The following RSRP1 variants were observed in gnomAD, a reference collection of about 807,000 sequenced individuals.
RSRP1 encodes arginine/serine-rich protein 1.
Under a neutral mutation model 33.0 loss-of-function variants are expected in RSRP1, and 37 were observed. The observed-to-expected ratio is 1.12, with a 90% CI of 0.86 to 1.48. The LOEUF (loss-of-function observed/expected upper bound fraction) is 1.48, where lower values mean the gene tolerates loss of function less well. Ranked by LOEUF, RSRP1 falls within the 40% of genes most tolerant of loss-of-function variation. The pLI is 0.00. For missense variants in RSRP1, 402 were observed against 385.3 expected, an observed-to-expected ratio of 1.04 and a Z score of -0.36; for synonymous variants, 167 against 158.7, an observed-to-expected ratio of 1.05 and a Z score of -0.40.
At chr1:25,306,348 T>C (rs1420563660) in intron 1 of RSRP1, among the ~76,000 whole-genome samples, 1 of 131,640 alleles carries the variant, frequency 7.6e-6, no homozygotes, top group Non-Finnish European at 1.8e-5. Flanking sequence ...ACCAGCAGCA[T>C]TGGCATCACC....
chr1:25,244,477 C>A, intron 3 of RSRP1: 1 of 1,289,326 alleles, frequency 7.8e-7, no homozygotes, highest in Non-Finnish European at 1.0e-6. Flanking sequence ...TCATCAATGT[C>A]TGCAGACCAC....
At chr1:25,322,101 G>A (rs1209748541) in intron 1 of RSRP1, 5 of 501,902 alleles carry the variant, frequency 1.0e-5, no homozygotes, top group African/African-American at 5.8e-5. Context: ...AGGAACTAGA[G>A]GAGAAACAAA....
chr1:25,289,032 C>T (rs1021855434), intron 1 of RSRP1, among the ~76,000 whole-genome samples: 2 of 133,648 alleles, frequency 1.5e-5, no homozygotes, highest in African/African-American at 5.1e-5. Flanking sequence ...AAGCTGAGTC[C>T]AGACTTCAGA....
intron 1 of RSRP1, among the ~76,000 whole-genome samples, chr1:25,261,007 G>T (rs1640120682): frequency 6.6e-6 from 1 of 151,804 alleles, no homozygotes; most frequent in South Asian, 2.1e-4. Flanking sequence ...TCACCATATT[G>T]GCCAGGCTGG....
At position 25,318,709 on chromosome 1, in the gene RSRP1, AG is replaced by A. The variant is rs1406128764; in HGVS notation, c.-67+19268del. Among the ~76,000 whole-genome samples the A allele has an allele frequency of 8.3e-5, 11 of 133,254 alleles. 2 individuals are homozygous for A. The highest frequency in any genetic ancestry group is 2.6e-4 in the African/African-American group (10 of 39,152). 87.4% of individuals were successfully genotyped at this position (133,254 alleles called of 152,430 possible). A position where few individuals can be genotyped will look rare whatever the true frequency, so the allele number is the denominator to read the frequency against. On this transcript the variant is annotated intron_variant, in intron 1 of 1. Transcript: ENST00000561867. ...CTAAGCAGGAGGTGAATGCCAAATA[AG>A]AGACAAATGGCGTAAGACACTATGA...
intron 1 of RSRP1, among the ~76,000 whole-genome samples, chr1:25,292,724 A>C (rs1477183728): frequency 7.9e-6 from 1 of 126,786 alleles, no homozygotes; most frequent in African/African-American, 2.7e-5. Context: ...TCTGAAGCTT[A>C]GTGGAAAGGT....
At chr1:25,250,282 A>G (rs541604575), upstream of RSRP1, among the ~76,000 whole-genome samples, 1 of 152,112 alleles carries the variant, frequency 6.6e-6, no homozygotes, top group Non-Finnish European at 1.5e-5. Context: ...AGCTTGCCTC[A>G]ATATCTTATC....
chr1:25,243,047 T>C (rs539447824), intron 4 of RSRP1, among the ~76,000 whole-genome samples: 1 of 152,056 alleles, frequency 6.6e-6, no homozygotes, highest in East Asian at 1.9e-4. Context: ...TGAGCCAAGA[T>C]TGCACCACTA....
rs568941803 is a variant in RSRP1, at chr1:25,242,450, T to C, written c.*139A>G. On this transcript the variant is annotated 3_prime_UTR_variant, in exon 5 of 5. Coordinates refer to ENST00000243189, the MANE Select transcript of RSRP1 (RefSeq NM_020317.5). ...ACCTAAAATGTTAATATTTGAGTGT[T>C]AAGTATTTACATCTTTTTGTGTTGG... The C allele has an allele frequency of 3.5e-4, 208 of 594,366 alleles. 1 individual carries two copies. In the African/African-American group the frequency reaches 3.6e-3, roughly 10 times the overall value. The allele number at this position is 594,366 out of a possible 1,614,324, so 36.8% of individuals were successfully genotyped here. A position where few individuals can be genotyped will look rare whatever the true frequency, so the allele number is the denominator to read the frequency against.
Position 25,276,229 on chromosome 1 carries a change from A to T in RSRP1, c.-66-29200T>A, listed in dbSNP as rs1396226722. Among the ~76,000 whole-genome samples the T allele has an allele frequency of 1.5e-5, 2 of 130,322 alleles. 1 individual carries two copies. The highest frequency in any genetic ancestry group is 3.6e-5 in the Non-Finnish European group (2 of 55,496). The allele number at this position is 130,322 out of a possible 152,430, so 85.5% of individuals were successfully genotyped here. ...TTTTTTAAGTCTCCATCTGTTAGAG[A>T]GGCACATTGAAATGGCATGATATCT... On this transcript the variant is annotated intron_variant, in intron 1 of 1. Transcript: ENST00000561867.
upstream of RSRP1, chr1:25,338,244 C>A (rs369120105): frequency 6.6e-5 from 10 of 152,390 alleles, no homozygotes; most frequent in East Asian, 1.2e-3. Context: ...CATGCGCAGA[C>A]GCGTTGTTGT....
rs1236977903 is a variant in RSRP1, at chr1:25,270,729, G to C, written c.-66-23700C>G. Among the ~76,000 whole-genome samples, 2 of 132,308 alleles carry C rather than the reference G, an allele frequency of 1.5e-5. 1 individual carries two copies. Among genetic ancestry groups the C allele is most frequent in the Non-Finnish European group, 3.6e-5 (2 of 55,872 alleles). 86.8% of individuals were successfully genotyped at this position (132,308 alleles called of 152,430 possible). A position where few individuals can be genotyped will look rare whatever the true frequency, so the allele number is the denominator to read the frequency against. Reference sequence around the variant, plus strand: ...TACTGCTTACTAGCCCTGTGACCTTGAGCAAGTCACTTAGTTTTTCTGTGC... The same window carrying C: ...TACTGCTTACTAGCCCTGTGACCTTCAGCAAGTCACTTAGTTTTTCTGTGC... On this transcript the variant is annotated intron_variant, in intron 1 of 1. Coordinates refer to the RSRP1 transcript ENST00000561867.
Position 25,314,218 on chromosome 1 carries a change from C to T in RSRP1, c.-67+23760G>A, listed in dbSNP as rs1441547848. Among the ~76,000 whole-genome samples, 2 of 132,896 alleles carry T rather than the reference C, an allele frequency of 1.5e-5. 1 individual carries two copies. Among genetic ancestry groups the T allele is most frequent in the Non-Finnish European group, 3.6e-5 (2 of 56,110 alleles). The allele number at this position is 132,896 out of a possible 152,430, so 87.2% of individuals were successfully genotyped here. A position where few individuals can be genotyped will look rare whatever the true frequency, so the allele number is the denominator to read the frequency against. On this transcript the variant is annotated intron_variant, in intron 1 of 1. Transcript: ENST00000561867. The stretch of plus-strand genomic sequence containing the variant: ...AATCACCAGTAGTGTATAGAAGCTC[C>T]TTTTACTCCACATTTTGCCAACACT...
rs1231517207 is a variant in RSRP1, at chr1:25,302,504, C to T, written c.-67+35474G>A. Among the ~76,000 whole-genome samples the T allele has an allele frequency of 4.6e-5, 6 of 129,824 alleles. 1 individual carries two copies. Among genetic ancestry groups the T allele is most frequent in the Non-Finnish European group, 1.1e-4 (6 of 55,088 alleles). 85.2% of individuals were successfully genotyped at this position (129,824 alleles called of 152,430 possible). A position where few individuals can be genotyped will look rare whatever the true frequency, so the allele number is the denominator to read the frequency against. On this transcript the variant is annotated intron_variant, in intron 1 of 1. Coordinates refer to the RSRP1 transcript ENST00000561867. Reference sequence around the variant, plus strand: ...TTCCATGGTGACAGAAAGTCTAAGACACCCAGCAAGGCAGGAGTGGGTGTC... The same window carrying T: ...TTCCATGGTGACAGAAAGTCTAAGATACCCAGCAAGGCAGGAGTGGGTGTC...
At position 25,280,761 on chromosome 1, in the gene RSRP1, G is replaced by A. The variant is rs1477354568; in HGVS notation, c.-66-33732C>T. Reference sequence around the variant, plus strand: ...TGAGTAGCTGGGACTACAGGCACTCGCCACCACGCCCAAGTAATTTTGTAT... The same window carrying A: ...TGAGTAGCTGGGACTACAGGCACTCACCACCACGCCCAAGTAATTTTGTAT... On this transcript the variant is annotated intron_variant, in intron 1 of 1. Transcript: ENST00000561867. 3.1e-5 allele frequency among the ~76,000 whole-genome samples: 4 copies of A among 130,646 alleles called. 1 individual carries two copies. The highest frequency in any genetic ancestry group is 7.9e-5 in the African/African-American group (3 of 38,212). 85.7% of individuals were successfully genotyped at this position (130,646 alleles called of 152,430 possible). A position where few individuals can be genotyped will look rare whatever the true frequency, so the allele number is the denominator to read the frequency against.
At chr1:25,245,352 T>C (rs780899919) in intron 2 of RSRP1, 51 bp from the exon 3 acceptor site, 1 of 1,547,760 alleles carries the variant, frequency 6.5e-7, no homozygotes, top group East Asian at 2.3e-5. Flanking sequence ...TGGTAGTTAT[T>C]TCCCAAGAGA....
intron 1 of RSRP1, among the ~76,000 whole-genome samples, chr1:25,313,680 A>G (rs1257691112): frequency 7.6e-6 from 1 of 132,402 alleles, no homozygotes; most frequent in East Asian, 1.9e-4. Flanking sequence ...CAGCAGAAAG[A>G]GAGGGGGAAC....
chr1:25,248,737 C>T (rs1402044038), upstream of RSRP1, among the ~76,000 whole-genome samples: 1 of 152,214 alleles, frequency 6.6e-6, no homozygotes, highest in African/African-American at 2.4e-5. Context: ...GAGGATGCAT[C>T]ATGATGGAAG....
At chr1:25,254,174 C>G (rs922781075) in intron 1 of RSRP1, among the ~76,000 whole-genome samples, 1 of 152,158 alleles carries the variant, frequency 6.6e-6, no homozygotes, top group African/African-American at 2.4e-5. Flanking sequence ...GGAGCTCACT[C>G]CACTGTTTGC....
Sources: gnomAD v4.1 joint callset for allele counts (sites outside exome capture counted in the v4.1 genomes callset) on GRCh38, gnomAD v4.1.1 for gene constraint, MANE v1.5 for transcripts, NCBI Gene and HGNC (gene_info 2026-07-23, HGNC 2026-07-21) for gene names.